Variants in TRIM45 observed in about 807,000 individuals in gnomAD.
TRIM45 encodes the protein tripartite motif containing 45.
In TRIM45, 45 loss-of-function variants were observed where a neutral mutation model predicts 46.7. The ratio of observed to expected loss-of-function variants is 0.96; its 90% CI spans 0.76 to 1.24. TRIM45 has a LOEUF of 1.24. Ranked by LOEUF, TRIM45 falls within the 50% of genes most tolerant of loss-of-function variation. The pLI is 0.00. For missense variants in TRIM45, 680 were observed against 728.4 expected, an observed-to-expected ratio of 0.93 and a Z score of 0.77; for synonymous variants, 259 against 285.8, an observed-to-expected ratio of 0.91 and a Z score of 0.94.
At chr1:117,122,555 A>C (rs1358377517), upstream of TRIM45, 1 of 152,164 alleles carries the variant, frequency 6.6e-6, no homozygotes, top group African/African-American at 2.4e-5. Flanking sequence ...TAAGGAGTTG[A>C]ATGTCACCCG....
In TRIM45 at chr1:117,113,570, T is replaced by C; in HGVS notation, c.1468-85A>G. On this transcript the variant is annotated intron_variant, in intron 4 of 5. Transcript: ENST00000256649. The surrounding 1 kb of genome is among the most constrained non-coding windows in gnomAD (Gnocchi z 4.0). ...GCATCACTATGTGCTAAACAGAGTC[T>C]GAGGCACAGGGCCTGTCCTTGGATG... 6.6e-7 allele frequency: 1 copy of C among 1,519,442 alleles called. No individual in the cohort carries two copies. Among genetic ancestry groups the C allele is most frequent in the Non-Finnish European group, 8.9e-7 (1 of 1,126,302 alleles). 94.1% of individuals were successfully genotyped at this position (1,519,442 alleles called of 1,614,324 possible).
intron 1 of TRIM45, among the ~76,000 whole-genome samples, chr1:117,119,332 G>A (rs1428447478): frequency 3.9e-5 from 6 of 152,198 alleles, no homozygotes; most frequent in African/African-American, 1.2e-4. Flanking sequence ...CCGGCCGGGC[G>A]CGGTGGCTCA....
rs183004684 is a variant in TRIM45, at chr1:117,115,959, T to G, written c.1353-270A>C. ...TCTGTTGAACCCTCTTGCTCTGTTG[T>G]CCCTCCTCCATTCTACAATTCCAGA... is the stretch of plus-strand genomic sequence containing the variant. On this transcript the variant is annotated intron_variant, in intron 3 of 5. Coordinates refer to ENST00000256649, the MANE Select transcript of TRIM45 (RefSeq NM_025188.4). This position sits in a 1 kb window ranked among gnomAD's most constrained non-coding sequence, Gnocchi z 4.2. 6.6e-6 allele frequency among the ~76,000 whole-genome samples: 1 copy of G among 152,234 alleles called. No individual in the cohort carries two copies. The highest frequency in any genetic ancestry group is 6.5e-5 in the Admixed American group (1 of 15,284).
At position 117,121,079 on chromosome 1, in the gene TRIM45, G is replaced by C; in HGVS notation, c.123C>G (p.Leu41=). 6.2e-7 allele frequency: 1 copy of C among 1,614,142 alleles called. No individual in the cohort carries two copies. Among genetic ancestry groups the C allele is most frequent in the African/African-American group, 1.3e-5 (1 of 75,032 alleles). ...LCLGLFKAPR[L]LPCLHTVCTT... ...TGCAAACTGTATGCAAACAAGGCAA[G>C]AGCCTGGGGGCTTTGAAAAGCCCCA... The change falls in exon 1 of 6, where the codon CTC becomes CTG. Residue 41 remains leucine (L), a synonymous_variant. Transcript: ENST00000256649. The surrounding 1 kb of genome is among the most constrained non-coding windows in gnomAD (Gnocchi z 4.2).
At position 117,121,073 on chromosome 1, in the gene TRIM45, A is replaced by G; in HGVS notation, c.129T>C (p.Pro43=). ...LGLFKAPRLL[P]CLHTVCTTCL... ...ACGTGGTGCAAACTGTATGCAAACAAGGCAAGAGCCTGGGGGCTTTGAAAA... is the reference window on the plus strand; with the variant it reads ...ACGTGGTGCAAACTGTATGCAAACAGGGCAAGAGCCTGGGGGCTTTGAAAA... Residue 43 remains proline (P), a synonymous_variant, in exon 1 of 6, where the codon CCT becomes CCC. Coordinates refer to ENST00000256649, the MANE Select transcript of TRIM45 (RefSeq NM_025188.4). The surrounding 1 kb of genome is among the most constrained non-coding windows in gnomAD (Gnocchi z 4.2). 1 of 1,614,164 alleles carries G rather than the reference A, an allele frequency of 6.2e-7. No individual in the cohort carries two copies. Among genetic ancestry groups the G allele is most frequent in the Non-Finnish European group, 8.5e-7 (1 of 1,180,038 alleles).
In TRIM45 at chr1:117,117,983, C is replaced by G. The variant is rs1263839509; in HGVS notation, c.1222+51G>C. The G allele has an allele frequency of 5.1e-6, 8 of 1,574,306 alleles. No homozygotes were observed. The highest frequency in any genetic ancestry group is 6.9e-6 in the Non-Finnish European group (8 of 1,160,148). On this transcript the variant is annotated intron_variant, in intron 2 of 5. Transcript: ENST00000256649. The surrounding 1 kb of genome is among the most constrained non-coding windows in gnomAD (Gnocchi z 4.9). ...AGAACAAGCCACCAATCTTCACACACCACCTCCCTGTCCACTGCCCTCTCA... is the reference window on the plus strand; with the variant it reads ...AGAACAAGCCACCAATCTTCACACAGCACCTCCCTGTCCACTGCCCTCTCA...
Position 117,116,579 on chromosome 1 carries a change from G to GC in TRIM45, c.1352+36dup. 1.2e-6 allele frequency: 2 copies of GC among 1,607,454 alleles called. No individual in the cohort carries two copies. Among genetic ancestry groups the GC allele is most frequent in the Non-Finnish European group, 1.7e-6 (2 of 1,176,396 alleles). Reference sequence around the variant, plus strand: ...ACCTCATGTTTCCAGTTTTCTCACTGCCTGTTATCCATGACACCTAATTGT... The same window carrying GC: ...ACCTCATGTTTCCAGTTTTCTCACTGCCCTGTTATCCATGACACCTAATTGT... On this transcript the variant is annotated intron_variant, in intron 3 of 5. Coordinates refer to ENST00000256649, the MANE Select transcript of TRIM45 (RefSeq NM_025188.4). This position sits in a 1 kb window ranked among gnomAD's most constrained non-coding sequence, Gnocchi z 4.6.
In TRIM45 at chr1:117,117,056, C is replaced by T. The variant is rs1650429984; in HGVS notation, c.1223-311G>A. Among the ~76,000 whole-genome samples, 1 of 152,216 alleles carries T rather than the reference C, an allele frequency of 6.6e-6. No homozygotes were observed. Among genetic ancestry groups the T allele is most frequent in the Admixed American group, 6.5e-5 (1 of 15,288 alleles). On this transcript the variant is annotated intron_variant, in intron 2 of 5. Coordinates refer to ENST00000256649, the MANE Select transcript of TRIM45 (RefSeq NM_025188.4). The surrounding 1 kb of genome is among the most constrained non-coding windows in gnomAD (Gnocchi z 4.9). Reference sequence around the variant, plus strand: ...GAGGTATTTAAAGAAAACCTCTAGACCCTGTGAGAGAGGATAGTAACCCCA... The same window carrying T: ...GAGGTATTTAAAGAAAACCTCTAGATCCTGTGAGAGAGGATAGTAACCCCA...
rs530981651 is a variant in TRIM45 at position 117,116,236 on chromosome 1, CTTT to C, written c.1352+377_1352+379del. On this transcript the variant is annotated intron_variant, in intron 3 of 5. Transcript: ENST00000256649. The surrounding 1 kb of genome is among the most constrained non-coding windows in gnomAD (Gnocchi z 4.6). ...TAACTAGTGAGTTACACTCCAATAT[CTTT>C]TTTTTTTTTTTGGACCTGGGGTCTT... Among the ~76,000 whole-genome samples, 3 of 143,890 alleles carry C rather than the reference CTTT, an allele frequency of 2.1e-5. No individual in the cohort carries two copies. Among genetic ancestry groups the C allele is most frequent in the Non-Finnish European group, 1.5e-5 (1 of 65,194 alleles). The allele number at this position is 143,890 out of a possible 152,430, so 94.4% of individuals were successfully genotyped here.
rs1209251693 is a variant in TRIM45, at chr1:117,121,196, T to C, written c.6A>G (p.Ser2=). Residue 2 remains serine, a synonymous_variant, in exon 1 of 6, where the codon TCA becomes TCG. Coordinates refer to ENST00000256649, the MANE Select transcript of TRIM45 (RefSeq NM_025188.4). The surrounding 1 kb of genome is among the most constrained non-coding windows in gnomAD (Gnocchi z 4.2). ...AGCCCAGCAGCGGTTTTCTGTTTTCTGACATACTCCTCACGTTTGTGACCA... is the reference window on the plus strand; with the variant it reads ...AGCCCAGCAGCGGTTTTCTGTTTTCCGACATACTCCTCACGTTTGTGACCA... M[S]ENRKPLLGFV... 6.5e-7 allele frequency: 1 copy of C among 1,548,394 alleles called. No individual in the cohort carries two copies. Among genetic ancestry groups the C allele is most frequent in the Non-Finnish European group, 8.7e-7 (1 of 1,152,944 alleles).
upstream of TRIM45, chr1:117,122,036 C>A: frequency 1.9e-6 from 1 of 529,982 alleles, no homozygotes; most frequent in Non-Finnish European, 3.4e-6. Context: ...CAGGGACTGT[C>A]CCTCTCTCTG....
chr1:117,116,952 T>A lies in TRIM45; in HGVS notation c.1223-207A>T, dbSNP rs1454262575. 6.6e-6 allele frequency among the ~76,000 whole-genome samples: 1 copy of A among 152,088 alleles called. No individual in the cohort carries two copies. Among genetic ancestry groups the A allele is most frequent in the Admixed American group, 6.5e-5 (1 of 15,278 alleles). On this transcript the variant is annotated intron_variant, in intron 2 of 5. Transcript: ENST00000256649. The surrounding 1 kb of genome is among the most constrained non-coding windows in gnomAD (Gnocchi z 4.6). The stretch of plus-strand genomic sequence containing the variant: ...TGGTTCTCTCAGCTAGCAGCTGCTT[T>A]GGATCACACAGGATCCTGGACCTTA...
rs1289660 is a variant in TRIM45, at chr1:117,111,821, A to G, written c.*484T>C. The G allele has an allele frequency of 0.049, 7,406 of 151,998 alleles. 213 individuals are homozygous for G. Among genetic ancestry groups the G allele is most frequent in the South Asian group, 0.075 (354 of 4,742 alleles). 9.4% of individuals were successfully genotyped at this position (151,998 alleles called of 1,614,324 possible). A position where few individuals can be genotyped will look rare whatever the true frequency, so the allele number is the denominator to read the frequency against. ...TGGGTGTGGGGGAAGGTGGGGGGGAACCTGTAATCCCAGCTACTCGGGACA... is the reference window on the plus strand; with the variant it reads ...TGGGTGTGGGGGAAGGTGGGGGGGAGCCTGTAATCCCAGCTACTCGGGACA... On this transcript the variant is annotated 3_prime_UTR_variant, in exon 6 of 6. Transcript: ENST00000256649.
chr1:117,112,459 T>C lies in TRIM45; in HGVS notation c.1595-6A>G. On this transcript the variant is annotated splice_region_variant and splice_polypyrimidine_tract_variant and intron_variant, in intron 5 of 5. Coordinates refer to ENST00000256649, the MANE Select transcript of TRIM45 (RefSeq NM_025188.4). Reference sequence around the variant, plus strand: ...GCCACAGCCTAGGTACCCACCTACATGGGACAAAGAGGAAAGGACAAAAAT... The same window carrying C: ...GCCACAGCCTAGGTACCCACCTACACGGGACAAAGAGGAAAGGACAAAAAT... The C allele has an allele frequency of 1.2e-6, 2 of 1,605,680 alleles. No homozygotes were observed. The highest frequency in any genetic ancestry group is 8.5e-7 in the Non-Finnish European group (1 of 1,176,556).
rs1054887311 is a variant in TRIM45 at position 117,113,578 on chromosome 1, A to G, written c.1468-93T>C. ...ATGTGCTAAACAGAGTCTGAGGCAC[A>G]GGGCCTGTCCTTGGATGGACAAGGA... On this transcript the variant is annotated intron_variant, in intron 4 of 5. Transcript: ENST00000256649. This position sits in a 1 kb window ranked among gnomAD's most constrained non-coding sequence, Gnocchi z 4.0. 20 of 1,492,626 alleles carry G rather than the reference A, an allele frequency of 1.3e-5. No homozygotes were observed. Among genetic ancestry groups the G allele is most frequent in the Non-Finnish European group, 1.6e-5 (18 of 1,109,614 alleles). 92.5% of individuals were successfully genotyped at this position (1,492,626 alleles called of 1,614,324 possible). A position where few individuals can be genotyped will look rare whatever the true frequency, so the allele number is the denominator to read the frequency against.
Position 117,120,940 on chromosome 1 carries a change from A to C in TRIM45, c.262T>G (p.Ser88Ala), listed in dbSNP as rs1404091637. 6.2e-7 allele frequency: 1 copy of C among 1,614,062 alleles called. No individual in the cohort carries two copies. The highest frequency in any genetic ancestry group is 8.5e-7 in the Non-Finnish European group (1 of 1,180,022). ...FQELKPRSLQ[S>A]QIGILCPVCD... ...ACAGGACAAAGGATGCCGATCTGCGACTGCAGACTTCGTGGCTTGAGTTCC... is the reference window on the plus strand; with the variant it reads ...ACAGGACAAAGGATGCCGATCTGCGCCTGCAGACTTCGTGGCTTGAGTTCC... The change falls in exon 1 of 6, where the codon TCG (serine) becomes GCG (alanine). Residue 88 changes from serine (S) to alanine (A), a missense_variant. By Grantham distance (99) the Ser-to-Ala change is moderately conservative. This residue lies in a region of TRIM45 where 349 missense variants were observed against 343.6 expected (regional missense o/e 1.02). Transcript: ENST00000256649.
At chr1:117,120,368 G>A (rs1210385867) in intron 1 of TRIM45, among the ~76,000 whole-genome samples, 3 of 152,160 alleles carry the variant, frequency 2.0e-5, no homozygotes, top group Non-Finnish European at 2.9e-5. Context: ...TTGCAAGATC[G>A]AAGGAGATCA....
upstream of TRIM45, among the ~76,000 whole-genome samples, chr1:117,123,241 A>G (rs1271033044): frequency 6.6e-6 from 1 of 152,176 alleles, no homozygotes; most frequent in Non-Finnish European, 1.5e-5. Flanking sequence ...ATCTACTCTC[A>G]AAATCGGCAT....
chr1:117,116,519 A>G lies in TRIM45; in HGVS notation c.1352+97T>C, dbSNP rs1650407193. 1.3e-6 allele frequency: 2 copies of G among 1,505,936 alleles called. No homozygotes were observed. Among genetic ancestry groups the G allele is most frequent in the Admixed American group, 1.8e-5 (1 of 55,438 alleles). 93.3% of individuals were successfully genotyped at this position (1,505,936 alleles called of 1,614,324 possible). ...TTCCCAAAGTGCTGGGATTACAGGC[A>G]TGAGCCACTGTGCCCAGCTCCAATA... is the stretch of plus-strand genomic sequence containing the variant. On this transcript the variant is annotated intron_variant, in intron 3 of 5. Coordinates refer to ENST00000256649, the MANE Select transcript of TRIM45 (RefSeq NM_025188.4). The surrounding 1 kb of genome is among the most constrained non-coding windows in gnomAD (Gnocchi z 4.6).
Sources: allele counts gnomAD v4.1 joint callset (sites outside exome capture counted in the v4.1 genomes callset), GRCh38; gene constraint gnomAD v4.1.1; regional missense constraint gnomAD v4.1.1; non-coding constraint Gnocchi (gnomAD v3.1); transcripts MANE v1.5; gene names NCBI Gene and HGNC (gene_info 2026-07-23, HGNC 2026-07-21).